Variants in SLC25A26 observed in about 807,000 individuals in gnomAD.
SLC25A26 encodes the protein mitochondrial S-adenosylmethionine carrier protein.
SLC25A26 carries 36 observed loss-of-function variants against 37.8 expected under a neutral mutation model. The observed-to-expected ratio is 0.95, with a 90% CI of 0.73 to 1.26. The LOEUF is 1.26. SLC25A26 is among the 50% of genes most tolerant of loss of function. The pLI, the probability that SLC25A26 is intolerant of heterozygous loss-of-function variation, is 0.00. For missense variants in SLC25A26, 390 were observed against 331.1 expected (o/e 1.18, Z -1.38); for synonymous variants, 129 against 122.5 (o/e 1.05, Z -0.35).
chr3:66,311,686 T>TTTTTG lies in SLC25A26; in HGVS notation c.454-34673_454-34669dup, dbSNP rs531853740. 2.4e-3 allele frequency among the ~76,000 whole-genome samples: 366 copies of TTTTTG among 152,236 alleles called. 1 individual carries two copies. Among genetic ancestry groups the TTTTTG allele is most frequent in the Non-Finnish European group, 3.0e-3 (201 of 68,008 alleles). On this transcript the variant is annotated intron_variant, in intron 5 of 9. Coordinates refer to ENST00000354883, the MANE Select transcript of SLC25A26 (RefSeq NM_001379210.1). ...GGATAGGGTTTTTGCGTGGGTGTCC[T>TTTTTG]TTTTGTTTTTGTTGATGTTATTGCT...
At chr3:66,358,701 A>T (rs2076631031) in intron 6 of SLC25A26, among the ~76,000 whole-genome samples, 1 of 152,208 alleles carries the variant, frequency 6.6e-6, no homozygotes, top group East Asian at 1.9e-4. Flanking sequence ...TGTGTTAACT[A>T]GGCTAGTCTC....
intron 5 of SLC25A26, among the ~76,000 whole-genome samples, chr3:66,290,139 G>A (rs1351189882): frequency 2.0e-5 from 3 of 152,172 alleles, no homozygotes; most frequent in Non-Finnish European, 2.9e-5. Context: ...GTATGGAAAT[G>A]CTTGTGATTT....
chr3:66,297,786 T>G (rs1484652761), intron 5 of SLC25A26, among the ~76,000 whole-genome samples: 2 of 152,224 alleles, frequency 1.3e-5, no homozygotes, highest in Admixed American at 1.3e-4. Context: ...GCCTAAGCTA[T>G]TTATTATCTG....
intron 5 of SLC25A26, among the ~76,000 whole-genome samples, chr3:66,338,938 C>T (rs996381568): frequency 6.6e-6 from 1 of 151,998 alleles, no homozygotes; most frequent in African/African-American, 2.4e-5. Flanking sequence ...AATAATACTC[C>T]ATCCCGTTGT....
At chr3:66,367,124 C>G (rs557332689) in intron 7 of SLC25A26, among the ~76,000 whole-genome samples, 1 of 152,110 alleles carries the variant, frequency 6.6e-6, no homozygotes, top group Non-Finnish European at 1.5e-5. Context: ...TCTAAAGATA[C>G]GAAGAAAAAG....
intron 5 of SLC25A26, among the ~76,000 whole-genome samples, chr3:66,302,747 A>C (rs2075112336): frequency 6.6e-6 from 1 of 152,238 alleles, no homozygotes; most frequent in African/African-American, 2.4e-5. Context: ...AGCTAGATAC[A>C]ACTTGGTGAA....
chr3:66,136,659 T>G (rs2069951041), intron 1 of SLC25A26, among the ~76,000 whole-genome samples: 1 of 152,256 alleles, frequency 6.6e-6, no homozygotes, highest in African/African-American at 2.4e-5. Flanking sequence ...TCACCTAAGC[T>G]CTGGCTTTCA....
At chr3:66,297,921 C>G (rs891705370) in intron 5 of SLC25A26, among the ~76,000 whole-genome samples, 1 of 152,276 alleles carries the variant, frequency 6.6e-6, no homozygotes, top group African/African-American at 2.4e-5. Context: ...AGATGTCTGT[C>G]TTTAAAGGAT....
At chr3:66,220,977 C>T, upstream of SLC25A26, 1 of 1,099,806 alleles carries the variant, frequency 9.1e-7, no homozygotes, top group Non-Finnish European at 1.3e-6. Context: ...GGTTCTACGT[C>T]ACGTGGTCCC....
At chr3:66,249,882 A>G (rs1227133146) in intron 3 of SLC25A26, among the ~76,000 whole-genome samples, 2 of 152,240 alleles carry the variant, frequency 1.3e-5, no homozygotes, top group African/African-American at 4.8e-5. Context: ...AAGCTGAAAC[A>G]GAACTGTCAG....
At chr3:66,316,518 G>C (rs1174959265) in intron 5 of SLC25A26, among the ~76,000 whole-genome samples, 1 of 152,070 alleles carries the variant, frequency 6.6e-6, no homozygotes, top group African/African-American at 2.4e-5. Context: ...GTAGAGATGA[G>C]CGGCCTTTCT....
intron 1 of SLC25A26, among the ~76,000 whole-genome samples, chr3:66,209,578 AG>A (rs1337522244): frequency 1.4e-5 from 2 of 141,716 alleles, no homozygotes; most frequent in Admixed American, 7.4e-5. Flanking sequence ...TACGTATAAA[AG>A]TATAGGCATA....
chr3:66,202,322 G>T (rs2071121557), intron 1 of SLC25A26, among the ~76,000 whole-genome samples: 1 of 151,992 alleles, frequency 6.6e-6, no homozygotes, highest in African/African-American at 2.4e-5. Context: ...GAGAAGACAT[G>T]CATATAGGGA....
intron 3 of SLC25A26, among the ~76,000 whole-genome samples, chr3:66,243,649 C>G (rs1443787739): frequency 1.3e-5 from 2 of 152,214 alleles, no homozygotes; most frequent in Non-Finnish European, 1.5e-5. Context: ...GCTGGAACTA[C>G]TTTTCCGAGA....
At position 66,159,963 on chromosome 3, in the gene SLC25A26, T is replaced by G. The variant is rs2070334710; in HGVS notation, c.-354+25979T>G. 1.3e-5 allele frequency among the ~76,000 whole-genome samples: 2 copies of G among 152,130 alleles called. 1 individual carries two copies. Among genetic ancestry groups the G allele is most frequent in the African/African-American group, 4.8e-5 (2 of 41,438 alleles). On this transcript the variant is annotated intron_variant, in intron 1 of 10. Transcript: ENST00000676754. ...GTCTTGGCCCTGATTCGCTCAACTC[T>G]AAGAAAGACCTGCGCTGCATTAATA...
chr3:66,373,087 G>A (rs192601443), intron 9 of SLC25A26, among the ~76,000 whole-genome samples: 37 of 152,260 alleles, frequency 2.4e-4, no homozygotes, highest in Admixed American at 6.5e-4. Context: ...ATTCAGCCCC[G>A]TAGCCAAAGG....
At chr3:66,184,086 C>T (rs2070768556) in intron 1 of SLC25A26, among the ~76,000 whole-genome samples, 1 of 151,880 alleles carries the variant, frequency 6.6e-6, no homozygotes, top group African/African-American at 2.4e-5. Context: ...TTCAGAAGAC[C>T]CTGCTCCACA....
chr3:66,137,978 C>A (rs1011565505), intron 1 of SLC25A26, among the ~76,000 whole-genome samples: 1 of 152,042 alleles, frequency 6.6e-6, no homozygotes, highest in African/African-American at 2.4e-5. Flanking sequence ...GGATTACAGG[C>A]GTGCATTACC....
intron 1 of SLC25A26, among the ~76,000 whole-genome samples, chr3:66,192,011 C>T: frequency 6.6e-6 from 1 of 151,920 alleles, no homozygotes; most frequent in Non-Finnish European, 1.5e-5. Context: ...GGGTTTAGTG[C>T]CTTTATAAAA....
Sources: gnomAD v4.1 joint callset for allele counts (sites outside exome capture counted in the v4.1 genomes callset) on GRCh38, gnomAD v4.1.1 for gene constraint, MANE v1.5 for transcripts, NCBI Gene and HGNC (gene_info 2026-07-23, HGNC 2026-07-21) for gene names.